Variants in PDE4D observed in about 807,000 individuals in gnomAD.
PDE4D encodes the protein phosphodiesterase 4D.
A neutral mutation model predicts 87.4 loss-of-function variants in PDE4D; 24 were observed. The observed-to-expected ratio is 0.27, with a 90% CI of 0.20 to 0.39. PDE4D has a LOEUF of 0.39. PDE4D is among the 10% of genes least tolerant of loss of function. PDE4D has a pLI of 1.00. For missense variants in PDE4D, 714 were observed against 1,041.0 expected, an observed-to-expected ratio of 0.69 and a Z score of 4.32; for synonymous variants, 384 against 383.2, an observed-to-expected ratio of 1.00 and a Z score of -0.02.
rs146339515 is a variant in PDE4D at position 59,712,968 on chromosome 5, T to A, written c.455+180200A>T. On this transcript the variant is annotated intron_variant, in intron 1 of 14. Transcript: ENST00000340635. ...ATAACACTGGAATATTTAAAGTTAC[T>A]TATCTAAGAATTTAAATTTCAACTG... Among the ~76,000 whole-genome samples, 5 of 152,320 alleles carry A rather than the reference T, an allele frequency of 3.3e-5. No individual in the cohort carries two copies. The East Asian group carries it at 9.6e-4, about 29-fold the overall frequency.
intron 1 of PDE4D, among the ~76,000 whole-genome samples, chr5:59,616,118 C>A (rs532650455): frequency 1.1e-4 from 16 of 152,046 alleles, no homozygotes; most frequent in South Asian, 4.2e-4. Context: ...ATCCCTCCCC[C>A]CTTCCCCCAC....
At chr5:60,000,533 G>C in intron 2 of PDE4D, among the ~76,000 whole-genome samples, 1 of 152,290 alleles carries the variant, frequency 6.6e-6, no homozygotes. Context: ...GGCTAAGGTA[G>C]TTCTTTAGCA....
At chr5:60,214,754 G>A (rs1288059227) in intron 1 of PDE4D, among the ~76,000 whole-genome samples, 1 of 152,068 alleles carries the variant, frequency 6.6e-6, no homozygotes. Flanking sequence ...TTAGAATAGA[G>A]AAAATACCAT....
chr5:60,518,370 C>A (rs1343222027), intron 1 of PDE4D, among the ~76,000 whole-genome samples: 5 of 152,216 alleles, frequency 3.3e-5, no homozygotes, highest in Non-Finnish European at 5.9e-5. Context: ...GGCAAAGCAA[C>A]ACCCCAAGGA....
intron 1 of PDE4D, among the ~76,000 whole-genome samples, chr5:59,255,173 T>C (rs368336821): frequency 1.6e-4 from 25 of 152,056 alleles, no homozygotes; most frequent in African/African-American, 6.0e-4. Context: ...GTCTATCAAC[T>C]GATGAATAAA....
chr5:59,415,343 A>G (rs1393701955), intron 1 of PDE4D, among the ~76,000 whole-genome samples: 1 of 152,188 alleles, frequency 6.6e-6, no homozygotes, highest in African/African-American at 2.4e-5. Context: ...ATAAAAAGAG[A>G]AAAAACTTGC....
chr5:60,016,731 T>C (rs1303805314), intron 2 of PDE4D, among the ~76,000 whole-genome samples: 3 of 152,216 alleles, frequency 2.0e-5, no homozygotes, highest in Non-Finnish European at 4.4e-5. Flanking sequence ...AGTTTTATCA[T>C]GAAATTGCAG....
In PDE4D at chr5:59,177,157, C is replaced by T. The variant is rs180910590; in HGVS notation, c.808+3438G>A. ...CCGGGCCTGTGGGAGGTGATTAGGT[C>T]GTGAGGGTGGAGCACTCAACACTCA... On this transcript the variant is annotated intron_variant, in intron 5 of 14. Transcript: ENST00000340635. Among the ~76,000 whole-genome samples, 393 of 152,186 alleles carry T rather than the reference C, an allele frequency of 2.6e-3. 7 individuals carry two copies. Among genetic ancestry groups the T allele is most frequent in the Admixed American group, 0.022 (335 of 15,274 alleles).
intron 1 of PDE4D, among the ~76,000 whole-genome samples, chr5:60,471,355 A>T (rs1747799402): frequency 6.6e-6 from 1 of 152,210 alleles, no homozygotes; most frequent in Non-Finnish European, 1.5e-5. Flanking sequence ...CCTGGTGAAG[A>T]TGCTGTGAAC....
intron 2 of PDE4D, among the ~76,000 whole-genome samples, chr5:60,064,348 A>T (rs1393232020): frequency 1.3e-5 from 2 of 152,102 alleles, no homozygotes; most frequent in Non-Finnish European, 2.9e-5. Context: ...GAATAGGTTA[A>T]ATACATTGCT....
intron 1 of PDE4D, among the ~76,000 whole-genome samples, chr5:59,545,370 T>A (rs1211619712): frequency 2.6e-5 from 4 of 152,162 alleles, no homozygotes; most frequent in African/African-American, 9.7e-5. Flanking sequence ...ATGTTGCAGT[T>A]TATCAGTGAT....
At chr5:59,977,593 T>C (rs1413040815) in intron 3 of PDE4D, among the ~76,000 whole-genome samples, 1 of 151,790 alleles carries the variant, frequency 6.6e-6, no homozygotes, top group African/African-American at 2.4e-5. Context: ...AAAAGGAGTG[T>C]GAAGTGAAGC....
chr5:59,805,448 A>G (rs1037436136), intron 1 of PDE4D, among the ~76,000 whole-genome samples: 6 of 152,196 alleles, frequency 3.9e-5, no homozygotes, highest in Admixed American at 6.5e-5. Context: ...TGGTGAGCCA[A>G]GTGTGTTCAC....
intron 2 of PDE4D, among the ~76,000 whole-genome samples, chr5:60,078,072 C>T (rs1275116902): frequency 1.3e-5 from 2 of 152,154 alleles, no homozygotes; most frequent in African/African-American, 4.8e-5. Flanking sequence ...GGAGATGTTC[C>T]TTCTGGCTGC....
intron 2 of PDE4D, among the ~76,000 whole-genome samples, chr5:60,119,203 C>T (rs1184394819): frequency 1.3e-5 from 2 of 152,304 alleles, no homozygotes; most frequent in South Asian, 2.1e-4. Context: ...CTTATGCTCA[C>T]ATGTTCCACC....
intron 1 of PDE4D, among the ~76,000 whole-genome samples, chr5:60,243,676 G>T (rs1747387210): frequency 6.6e-6 from 1 of 151,940 alleles, no homozygotes; most frequent in Non-Finnish European, 1.5e-5. Context: ...CTCAATCAAT[G>T]TGATAGATCA....
chr5:59,135,075 C>T (rs1454136322), intron 5 of PDE4D, among the ~76,000 whole-genome samples: 1 of 152,108 alleles, frequency 6.6e-6, no homozygotes, highest in Non-Finnish European at 1.5e-5. Context: ...TTTCCTAAGA[C>T]CCCAAATGAC....
chr5:59,787,551 T>C (rs2152639124), intron 1 of PDE4D, among the ~76,000 whole-genome samples: 1 of 152,308 alleles, frequency 6.6e-6, no homozygotes, highest in Middle Eastern at 3.4e-3. Flanking sequence ...ATCTGTAATA[T>C]ACAGAAGGAA....
At chr5:59,429,137 C>T (rs1432607969) in intron 1 of PDE4D, among the ~76,000 whole-genome samples, 1 of 152,050 alleles carries the variant, frequency 6.6e-6, no homozygotes, top group Non-Finnish European at 1.5e-5. Flanking sequence ...TGAACAGGGA[C>T]ATTAGATATT....
Sources: gnomAD v4.1 joint callset for allele counts (sites outside exome capture counted in the v4.1 genomes callset) on GRCh38, gnomAD v4.1.1 for gene constraint, MANE v1.5 for transcripts, NCBI Gene and HGNC (gene_info 2026-07-23, HGNC 2026-07-21) for gene names.